GRIK1: variants seen among roughly 807,000 people sequenced by gnomAD.
GRIK1 encodes glutamate ionotropic receptor kainate type subunit 1.
A neutral mutation model predicts 105.7 loss-of-function variants in GRIK1; 69 were observed. That is an observed-to-expected ratio of 0.65 (90% CI 0.54 to 0.80). GRIK1 has a LOEUF of 0.80. Ranked by LOEUF, GRIK1 falls within the 30% of genes least tolerant of loss-of-function variation. GRIK1 has a pLI of 0.00. For synonymous variants in GRIK1, 438 were observed against 431.3 expected (o/e 1.02, Z -0.19); for missense variants, 1,109 against 1,167.3 (o/e 0.95, Z 0.73).
At chr21:29,837,885 T>G (rs999310704) in intron 1 of GRIK1, among the ~76,000 whole-genome samples, 2 of 152,162 alleles carry the variant, frequency 1.3e-5, no homozygotes, top group East Asian at 1.9e-4. Flanking sequence ...TATTCTATAT[T>G]TTGCCCCAAG....
chr21:29,651,038 A>G lies in GRIK1; in HGVS notation c.954+80T>C. On this transcript the variant is annotated intron_variant, in intron 6 of 17. Transcript: ENST00000327783. ...GCACCCACTGTAACACTTTTCTCTA[A>G]TATTTTAAAGATACGTGAGATCTTA... The G allele has an allele frequency of 2.8e-6, 3 of 1,062,094 alleles. 1 individual carries two copies. The South Asian group carries it at 5.4e-5, about 19-fold the overall frequency. 65.8% of individuals were successfully genotyped at this position (1,062,094 alleles called of 1,614,324 possible). A position where few individuals can be genotyped will look rare whatever the true frequency, so the allele number is the denominator to read the frequency against.
chr21:29,696,067 A>T lies in GRIK1; in HGVS notation c.119-2004T>A, dbSNP rs151080566. ...AAAAAAATGCAATAAACAAATACAC[A>T]TCTGTAATGTTCCTGCTGAAATGAC... On this transcript the variant is annotated intron_variant, in intron 1 of 17. Coordinates refer to ENST00000327783, the MANE Select transcript of GRIK1 (RefSeq NM_001330994.2). Among the ~76,000 whole-genome samples, 95 of 152,350 alleles carry T rather than the reference A, an allele frequency of 6.2e-4. 1 individual carries two copies. The highest frequency in any genetic ancestry group is 2.1e-3 in the African/African-American group (88 of 41,590).
intron 1 of GRIK1, among the ~76,000 whole-genome samples, chr21:29,752,446 TC>T (rs1339350306): frequency 6.6e-6 from 1 of 152,224 alleles, no homozygotes; most frequent in Admixed American, 6.5e-5. Context: ...AACGTCTGCT[TC>T]TTCTTTGCAA....
chr21:29,913,596 A>G (rs2070892116), intron 1 of GRIK1, among the ~76,000 whole-genome samples: 1 of 151,596 alleles, frequency 6.6e-6, no homozygotes, highest in Non-Finnish European at 1.5e-5. Context: ...TATCCTTACA[A>G]CAGTGTAGAA....
intron 9 of GRIK1, chr21:29,596,021 A>G: frequency 3.9e-6 from 1 of 255,784 alleles, no homozygotes; most frequent in Non-Finnish European, 7.6e-6. Context: ...ATCACACAAA[A>G]CAAAAGATAG....
chr21:29,784,468 A>G (rs1180123863), intron 1 of GRIK1, among the ~76,000 whole-genome samples: 2 of 152,144 alleles, frequency 1.3e-5, no homozygotes, highest in East Asian at 1.9e-4. Flanking sequence ...ATATACATAC[A>G]GTGGGTGTTG....
chr21:29,570,774 T>C (rs142653402), intron 14 of GRIK1, among the ~76,000 whole-genome samples: 5 of 151,790 alleles, frequency 3.3e-5, no homozygotes, highest in African/African-American at 1.2e-4. Flanking sequence ...AGTTCCAGAG[T>C]GTTGATGATC....
At chr21:29,692,952 G>A (rs1051504524) in intron 2 of GRIK1, among the ~76,000 whole-genome samples, 1 of 152,206 alleles carries the variant, frequency 6.6e-6, no homozygotes, top group Admixed American at 6.5e-5. Context: ...ATTCTTGCAG[G>A]AGGCTGTATC....
At chr21:29,545,335 C>T (rs764514542) in intron 16 of GRIK1, among the ~76,000 whole-genome samples, 7 of 152,206 alleles carry the variant, frequency 4.6e-5, no homozygotes, top group Admixed American at 6.5e-5. Flanking sequence ...TGCCTTTCTC[C>T]TCTTCAGAGT....
chr21:29,828,165 C>T (rs2067525080), intron 1 of GRIK1, among the ~76,000 whole-genome samples: 1 of 151,924 alleles, frequency 6.6e-6, no homozygotes. Context: ...CTGGAATTGG[C>T]ACAGTGCATA....
At chr21:29,895,740 T>C (rs2070123158) in intron 1 of GRIK1, among the ~76,000 whole-genome samples, 1 of 152,192 alleles carries the variant, frequency 6.6e-6, no homozygotes, top group African/African-American at 2.4e-5. Flanking sequence ...TTAGTATGGA[T>C]TTTGGAATCA....
intron 16 of GRIK1, among the ~76,000 whole-genome samples, chr21:29,550,156 T>C (rs73897681): frequency 0.15 from 21,948 of 145,416 alleles, 2,412 homozygotes; most frequent in African/African-American, 0.3. Context: ...AGTAAGTACT[T>C]GAGATTTCTC....
chr21:29,616,928 C>T (rs2061864680), intron 7 of GRIK1, among the ~76,000 whole-genome samples: 4 of 152,096 alleles, frequency 2.6e-5, no homozygotes, highest in Admixed American at 2.6e-4. Context: ...TCAATGGAAT[C>T]ATGTTAATTA....
intron 1 of GRIK1, among the ~76,000 whole-genome samples, chr21:29,728,977 C>A (rs150311149): frequency 2.3e-4 from 35 of 152,200 alleles, no homozygotes; most frequent in African/African-American, 7.5e-4. Context: ...TAAGTAGGTT[C>A]CAACTCATGA....
intron 12 of GRIK1, among the ~76,000 whole-genome samples, 199 bp downstream of exon 12, chr21:29,587,167 C>G (rs921240583): frequency 2.0e-5 from 3 of 152,150 alleles, no homozygotes; most frequent in Non-Finnish European, 4.4e-5. Flanking sequence ...TTATCTTCCT[C>G]TCTTTTAAAA....
intron 7 of GRIK1, 78 bp from the exon 8 acceptor site, chr21:29,599,015 C>T: frequency 1.5e-6 from 1 of 680,986 alleles, no homozygotes; most frequent in Non-Finnish European, 2.6e-6. Flanking sequence ...TATAATACCT[C>T]AAATTCATCA....
intron 1 of GRIK1, among the ~76,000 whole-genome samples, chr21:29,815,023 A>C (rs2067117707): frequency 6.6e-6 from 1 of 152,130 alleles, no homozygotes; most frequent in African/African-American, 2.4e-5. Flanking sequence ...GTATTAAATG[A>C]GTTAATGCAT....
intron 1 of GRIK1, among the ~76,000 whole-genome samples, chr21:29,792,780 G>A (rs928078565): frequency 5.9e-5 from 9 of 152,108 alleles, no homozygotes; most frequent in Admixed American, 3.3e-4. Flanking sequence ...TTCATGATGC[G>A]ACTTAGTATG....
chr21:29,638,645 T>C (rs1304530405), intron 7 of GRIK1, among the ~76,000 whole-genome samples: 1 of 152,196 alleles, frequency 6.6e-6, no homozygotes, highest in African/African-American at 2.4e-5. Flanking sequence ...AACAAGCAGG[T>C]AAAACTAGTT....
Sources: allele counts gnomAD v4.1 joint callset (sites outside exome capture counted in the v4.1 genomes callset), GRCh38; gene constraint gnomAD v4.1.1; transcripts MANE v1.5; gene names NCBI Gene and HGNC (gene_info 2026-07-23, HGNC 2026-07-21).